SIAH3: variants seen among roughly 807,000 people sequenced by gnomAD.
SIAH3 encodes siah E3 ubiquitin protein ligase family member 3, also known as seven in absentia homolog 3.
SIAH3 carries 9 observed loss-of-function variants against 12.6 expected under a neutral mutation model. The ratio of observed to expected loss-of-function variants is 0.72; its 90% CI spans 0.43 to 1.25. The LOEUF (loss-of-function observed/expected upper bound fraction) is 1.25, where lower values mean the gene tolerates loss of function less well. Ranked by LOEUF, SIAH3 falls within the 50% of genes most tolerant of loss-of-function variation. The probability of loss-of-function intolerance (pLI) is 0.00; values close to 1 mark genes in which losing one functional copy is unlikely to be tolerated. For missense variants in SIAH3, 390 were observed against 365.4 expected, an observed-to-expected ratio of 1.07 and a Z score of -0.55; for synonymous variants, 154 against 151.1, an observed-to-expected ratio of 1.02 and a Z score of -0.14.
chr13:45,842,982 G>A (rs1950745457), intron 1 of SIAH3, among the ~76,000 whole-genome samples: 1 of 148,930 alleles, frequency 6.7e-6, no homozygotes, highest in African/African-American at 2.5e-5. Flanking sequence ...GTCCACTCAG[G>A]GCCCACACAG....
intron 1 of SIAH3, among the ~76,000 whole-genome samples, chr13:45,805,896 T>C (rs1950597000): frequency 6.6e-6 from 1 of 152,056 alleles, no homozygotes; most frequent in African/African-American, 2.4e-5. Context: ...AATAACCCCA[T>C]TAAAAATGGG....
chr13:45,832,068 G>A (rs911492551), intron 1 of SIAH3, among the ~76,000 whole-genome samples: 1 of 152,196 alleles, frequency 6.6e-6, no homozygotes, highest in African/African-American at 2.4e-5. Context: ...AGTGCCTAGG[G>A]AGGAGGGAAG....
chr13:45,825,749 A>G (rs1950672139), intron 1 of SIAH3, among the ~76,000 whole-genome samples: 1 of 152,216 alleles, frequency 6.6e-6, no homozygotes, highest in African/African-American at 2.4e-5. Flanking sequence ...CAACAGCATC[A>G]GTGCACACTG....
Position 45,779,549 on chromosome 13 carries a change from A to T in SIAH3, c.*3834T>A, listed in dbSNP as rs1950496069. On this transcript the variant is annotated 3_prime_UTR_variant, in exon 2 of 2. Coordinates refer to ENST00000400405, the MANE Select transcript of SIAH3 (RefSeq NM_198849.3). ...ACATGGTTGCTGTTGGTCAGAAGCC[A>T]TACGTACCCGGTCCCAGGCCCAGCT... The T allele has an allele frequency of 6.6e-6, 1 of 152,214 alleles. No homozygotes were observed. The highest frequency in any genetic ancestry group is 2.4e-5 in the African/African-American group (1 of 41,454). 9.4% of individuals were successfully genotyped at this position (152,214 alleles called of 1,614,324 possible).
intron 1 of SIAH3, among the ~76,000 whole-genome samples, chr13:45,785,533 A>T (rs1024397484): frequency 1.3e-5 from 2 of 152,200 alleles, no homozygotes; most frequent in Admixed American, 1.3e-4. Flanking sequence ...ACACACATAC[A>T]TGTACATACA....
intron 1 of SIAH3, among the ~76,000 whole-genome samples, chr13:45,847,053 T>C (rs1225844923): frequency 1.3e-5 from 2 of 152,320 alleles, no homozygotes; most frequent in Non-Finnish European, 1.5e-5. Context: ...GTCCCCTTCC[T>C]TACCCTTTAT....
intron 1 of SIAH3, among the ~76,000 whole-genome samples, chr13:45,841,845 A>AT (rs1427249662): frequency 6.6e-6 from 1 of 152,140 alleles, no homozygotes; most frequent in Non-Finnish European, 1.5e-5. Flanking sequence ...CACAAGGAAC[A>AT]TTTGCCTTTT....
chr13:45,786,522 C>G (rs1232533074), intron 1 of SIAH3, among the ~76,000 whole-genome samples: 2 of 149,760 alleles, frequency 1.3e-5, no homozygotes, highest in Admixed American at 6.6e-5. Flanking sequence ...TCGAAAGACT[C>G]TAATCTGTTT....
Position 45,777,823 on chromosome 13 carries a change from T to G in SIAH3, c.*5560A>C, listed in dbSNP as rs1008823649. On this transcript the variant is annotated 3_prime_UTR_variant, in exon 2 of 2. Transcript: ENST00000400405. ...CTTAGAAATGCATCCAAGTAGAAAC[T>G]TCAGCAACCCTCACTTCTTCCATCC... The G allele has an allele frequency of 6.6e-6, 1 of 152,202 alleles. No homozygotes were observed. The highest frequency in any genetic ancestry group is 2.4e-5 in the African/African-American group (1 of 41,440). 9.4% of individuals were successfully genotyped at this position (152,202 alleles called of 1,614,324 possible). A position where few individuals can be genotyped will look rare whatever the true frequency, so the allele number is the denominator to read the frequency against.
chr13:45,799,210 G>A (rs1303510591), intron 1 of SIAH3, among the ~76,000 whole-genome samples: 1 of 152,198 alleles, frequency 6.6e-6, no homozygotes, highest in East Asian at 1.9e-4. Context: ...TGGGGCAGGG[G>A]CACATGGCAT....
rs1950500188 is a variant in SIAH3 at position 45,780,538 on chromosome 13, G to A, written c.*2845C>T. The A allele has an allele frequency of 6.6e-6, 1 of 152,216 alleles. No individual in the cohort carries two copies. Among genetic ancestry groups the A allele is most frequent in the Non-Finnish European group, 1.5e-5 (1 of 68,086 alleles). 9.4% of individuals were successfully genotyped at this position (152,216 alleles called of 1,614,324 possible). A position where few individuals can be genotyped will look rare whatever the true frequency, so the allele number is the denominator to read the frequency against. On this transcript the variant is annotated 3_prime_UTR_variant, in exon 2 of 2. Transcript: ENST00000400405. ...CTTCCTTGGCCTCCCAAAGTCCTGG[G>A]ATTATGGACGTGAGCCACCATCCCT...
intron 1 of SIAH3, among the ~76,000 whole-genome samples, chr13:45,833,851 C>T (rs993714945): frequency 1.3e-5 from 2 of 152,168 alleles, no homozygotes; most frequent in African/African-American, 4.8e-5. Flanking sequence ...TTGCCCACAA[C>T]CTGCTGAGGG....
At chr13:45,790,333 G>A (rs1031170148) in intron 1 of SIAH3, among the ~76,000 whole-genome samples, 2 of 152,132 alleles carry the variant, frequency 1.3e-5, no homozygotes, top group Non-Finnish European at 2.9e-5. Flanking sequence ...AGATCTATGG[G>A]TGCAAAATAA....
At chr13:45,850,174 A>G (rs2137588876) in intron 1 of SIAH3, among the ~76,000 whole-genome samples, 1 of 152,324 alleles carries the variant, frequency 6.6e-6, no homozygotes, top group African/African-American at 2.4e-5. Context: ...GATGCACCAT[A>G]GGGGTCCCAG....
chr13:45,833,110 G>A (rs1034273539), intron 1 of SIAH3, among the ~76,000 whole-genome samples: 3 of 152,188 alleles, frequency 2.0e-5, no homozygotes, highest in African/African-American at 7.2e-5. Flanking sequence ...CTCCCATGAG[G>A]TACCCATTAT....
intron 1 of SIAH3, among the ~76,000 whole-genome samples, chr13:45,803,524 G>A (rs144132194): frequency 4.6e-5 from 7 of 152,222 alleles, no homozygotes; most frequent in African/African-American, 2.4e-5. Flanking sequence ...GAGGTCGTAA[G>A]TGAGCTGGGC....
chr13:45,831,874 C>T (rs1316973832), intron 1 of SIAH3, among the ~76,000 whole-genome samples: 1 of 152,208 alleles, frequency 6.6e-6, no homozygotes, highest in Non-Finnish European at 1.5e-5. Context: ...AGTCAGACAC[C>T]ATTCAGATAT....
rs373517259 is a variant in SIAH3 at position 45,784,074 on chromosome 13, G to A, written c.136-17C>T. On this transcript the variant is annotated splice_polypyrimidine_tract_variant and intron_variant, in intron 1 of 1. Coordinates refer to ENST00000400405, the MANE Select transcript of SIAH3 (RefSeq NM_198849.3). ...GGACACATACTGTAAGGAAAGAGAA[G>A]AACGTCAGTGCGGGGATGAGGCCCA... The A allele has an allele frequency of 3.0e-4, 470 of 1,557,840 alleles. 2 individuals carry two copies. The South Asian group carries it at 5.3e-3, about 17-fold the overall frequency.
intron 1 of SIAH3, among the ~76,000 whole-genome samples, chr13:45,850,368 C>G (rs1227528157): frequency 2.6e-5 from 4 of 152,218 alleles, no homozygotes; most frequent in Non-Finnish European, 4.4e-5. Flanking sequence ...AATGCTCTTC[C>G]TGCCCAACAG....
Sources: allele counts gnomAD v4.1 joint callset (sites outside exome capture counted in the v4.1 genomes callset), GRCh38; gene constraint gnomAD v4.1.1; transcripts MANE v1.5; gene names NCBI Gene and HGNC (gene_info 2026-07-23, HGNC 2026-07-21).